MPDZ: variants seen among roughly 807,000 people sequenced by gnomAD.
MPDZ encodes multiple PDZ domain protein.
MPDZ carries 234 observed loss-of-function variants against 239.1 expected under a neutral mutation model. That is an observed-to-expected ratio of 0.98 (90% CI 0.88 to 1.09). The LOEUF is 1.09. MPDZ is among the 50% of genes least tolerant of loss of function. MPDZ has a pLI of 0.00. For synonymous variants in MPDZ, 1,048 were observed against 881.3 expected, an observed-to-expected ratio of 1.19 and a Z score of -3.35; for missense variants, 3,175 against 2,510.0, an observed-to-expected ratio of 1.26 and a Z score of -5.66.
At chr9:13,248,759 G>C in intron 2 of MPDZ, among the ~76,000 whole-genome samples, 1 of 151,224 alleles carries the variant, frequency 6.6e-6, no homozygotes, top group Non-Finnish European at 1.5e-5. Flanking sequence ...CTTGAGCTCA[G>C]GAGTTTGAGA....
In MPDZ at chr9:13,250,381, A is replaced by G. The variant is rs1967616551; in HGVS notation, c.-57-9T>C. Reference sequence around the variant, plus strand: ...GCAATTAAAATGGAACTCTGTGCAAAAAAGAAATAGAATGGTTATGTTTTA... The same window carrying G: ...GCAATTAAAATGGAACTCTGTGCAAGAAAGAAATAGAATGGTTATGTTTTA... On this transcript the variant is annotated splice_polypyrimidine_tract_variant and intron_variant, in intron 1 of 46. Coordinates refer to ENST00000319217, the MANE Select transcript of MPDZ (RefSeq NM_001378778.1). 2 of 1,385,978 alleles carry G rather than the reference A, an allele frequency of 1.4e-6. No homozygotes were observed. Among genetic ancestry groups the G allele is most frequent in the Admixed American group, 2.0e-5 (1 of 50,796 alleles). 85.9% of individuals were successfully genotyped at this position (1,385,978 alleles called of 1,614,324 possible). A position where few individuals can be genotyped will look rare whatever the true frequency, so the allele number is the denominator to read the frequency against.
chr9:13,227,228 A>T (rs1290958864), intron 3 of MPDZ, among the ~76,000 whole-genome samples: 1 of 152,164 alleles, frequency 6.6e-6, no homozygotes, highest in Non-Finnish European at 1.5e-5. Flanking sequence ...CTTAACCATT[A>T]TATTAGCTTT....
chr9:13,173,485 C>T (rs1317942353), intron 21 of MPDZ, among the ~76,000 whole-genome samples: 1 of 151,854 alleles, frequency 6.6e-6, no homozygotes, highest in East Asian at 1.9e-4. Flanking sequence ...GGTGGATTGC[C>T]TGAGCTCAGG....
At chr9:13,214,894 A>G (rs1374311515) in intron 10 of MPDZ, among the ~76,000 whole-genome samples, 1 of 152,044 alleles carries the variant, frequency 6.6e-6, no homozygotes, top group South Asian at 2.1e-4. Flanking sequence ...GGAGTTTCAC[A>G]GAACAAAACC....
At chr9:13,247,995 G>C (rs565157829) in intron 2 of MPDZ, among the ~76,000 whole-genome samples, 194 bp from the exon 3 acceptor site, 126 of 152,256 alleles carry the variant, frequency 8.3e-4, no homozygotes, top group Non-Finnish European at 1.5e-3. Flanking sequence ...GGGAGACTGA[G>C]GCGGGCTGAT....
chr9:13,233,099 G>A (rs893417736), intron 3 of MPDZ, among the ~76,000 whole-genome samples: 4 of 152,142 alleles, frequency 2.6e-5, no homozygotes, highest in Admixed American at 2.6e-4. Context: ...ACTAAATATC[G>A]TGAGAGAGTT....
chr9:13,113,914 T>A lies in MPDZ; in HGVS notation c.5557+17A>T. 6.4e-7 allele frequency: 1 copy of A among 1,561,714 alleles called. No individual in the cohort carries two copies. Among genetic ancestry groups the A allele is most frequent in the Non-Finnish European group, 8.7e-7 (1 of 1,149,000 alleles). ...AGCCAAATTCAAACCATGTTTAAAA[T>A]ACTGAACCAATCTTACATGCATTCT... On this transcript the variant is annotated intron_variant, in intron 41 of 46. Transcript: ENST00000319217.
chr9:13,127,721 T>G (rs1945331668), intron 32 of MPDZ, among the ~76,000 whole-genome samples: 1 of 152,196 alleles, frequency 6.6e-6, no homozygotes, highest in African/African-American at 2.4e-5. Context: ...TAATGCCTGA[T>G]GAGTTTGAAA....
chr9:13,146,395 T>G (rs1295188942), intron 26 of MPDZ, among the ~76,000 whole-genome samples: 2 of 152,074 alleles, frequency 1.3e-5, no homozygotes, highest in African/African-American at 2.4e-5. Context: ...CTTAAATTCT[T>G]AATTTCACAA....
At chr9:13,261,452 T>C (rs537844055) in intron 1 of MPDZ, among the ~76,000 whole-genome samples, 3 of 151,554 alleles carry the variant, frequency 2.0e-5, no homozygotes, top group South Asian at 2.1e-4. Context: ...TATCATTACA[T>C]CCAAAAAAAA....
At chr9:13,194,252 C>T (rs182995852) in intron 13 of MPDZ, among the ~76,000 whole-genome samples, 88 of 152,034 alleles carry the variant, frequency 5.8e-4, no homozygotes, top group Non-Finnish European at 4.9e-4. Context: ...TGTATACTTC[C>T]GCACTTGACA....
chr9:13,152,174 AAGG>A (rs902104800), intron 24 of MPDZ, among the ~76,000 whole-genome samples: 3 of 152,130 alleles, frequency 2.0e-5, no homozygotes, highest in South Asian at 2.1e-4. Context: ...ACCTCTGTAG[AAGG>A]AGAAGTCATT....
At chr9:13,252,031 T>C (rs968817196) in intron 1 of MPDZ, among the ~76,000 whole-genome samples, 3 of 152,176 alleles carry the variant, frequency 2.0e-5, no homozygotes, top group African/African-American at 7.2e-5. Flanking sequence ...AATTTCCAGC[T>C]CATAGCATAA....
At position 13,158,103 on chromosome 9, in the gene MPDZ, G is replaced by C. The variant is rs1950042305; in HGVS notation, c.3367C>G (p.Pro1123Ala). 1.9e-6 allele frequency: 3 copies of C among 1,612,112 alleles called. No homozygotes were observed. The highest frequency in any genetic ancestry group is 2.5e-6 in the Non-Finnish European group (3 of 1,178,790). ...CCCTCTTCTCGCTCTGGTAATTCTG[G>C]AATGTCTCTGGTTAAAGAATTACAC... ...IFSSYTGRDI[P>A]ELPEREEGEG... is the part of the protein sequence containing the mutation. The change falls in exon 24 of 47, where the codon CCA (proline) becomes GCA (alanine). Residue 1123 changes from proline (P) to alanine (A), a missense_variant. By Grantham distance (27) the Pro-to-Ala change is conservative. Coordinates refer to ENST00000319217, the MANE Select transcript of MPDZ (RefSeq NM_001378778.1).
chr9:13,261,294 A>T (rs1327365029), intron 1 of MPDZ, among the ~76,000 whole-genome samples: 1 of 152,224 alleles, frequency 6.6e-6, no homozygotes, highest in Non-Finnish European at 1.5e-5. Flanking sequence ...AGAGGAAAAT[A>T]GAGTAACTGG....
At chr9:13,126,895 CTT>C in intron 32 of MPDZ, 123 bp from the exon 33 acceptor site, 1 of 710,036 alleles carries the variant, frequency 1.4e-6, no homozygotes, top group East Asian at 2.7e-5. Flanking sequence ...AGACCTTAGA[CTT>C]TAAATCTAAG....
intron 1 of MPDZ, among the ~76,000 whole-genome samples, chr9:13,260,760 G>T (rs184240009): frequency 2.6e-5 from 4 of 152,242 alleles, no homozygotes; most frequent in African/African-American, 7.2e-5. Flanking sequence ...AGCCACCTGC[G>T]AGCCACAGAC....
chr9:13,118,745 A>G (rs1393731470), intron 39 of MPDZ, among the ~76,000 whole-genome samples: 1 of 152,210 alleles, frequency 6.6e-6, no homozygotes, highest in Non-Finnish European at 1.5e-5. Flanking sequence ...TTGTCAAATG[A>G]CTTTTCTGTG....
intron 1 of MPDZ, among the ~76,000 whole-genome samples, chr9:13,265,685 G>C (rs1971641251): frequency 6.6e-6 from 1 of 152,212 alleles, no homozygotes; most frequent in Non-Finnish European, 1.5e-5. Context: ...GGAGGTGATA[G>C]TACAAAACAT....
Sources: allele counts gnomAD v4.1 joint callset (sites outside exome capture counted in the v4.1 genomes callset), GRCh38; gene constraint gnomAD v4.1.1; transcripts MANE v1.5; gene names NCBI Gene and HGNC (gene_info 2026-07-23, HGNC 2026-07-21).